The following CD72 variants were observed in gnomAD, a reference collection of about 807,000 sequenced individuals.
CD72 encodes the protein B-cell differentiation antigen CD72.
A neutral mutation model predicts 50.7 loss-of-function variants in CD72; 28 were observed. The observed-to-expected ratio is 0.55, with a 90% CI of 0.41 to 0.76. The LOEUF (loss-of-function observed/expected upper bound fraction) is 0.76, where lower values mean the gene tolerates loss of function less well. Among genes scored for constraint, CD72 ranks in the 30% least tolerant of loss-of-function variants. CD72 has a pLI of 0.00. For missense variants in CD72, 403 were observed against 420.6 expected, an observed-to-expected ratio of 0.96 and a Z score of 0.37; for synonymous variants, 176 against 171.2, an observed-to-expected ratio of 1.03 and a Z score of -0.22.
At chr9:35,631,166 A>C (rs1563899047) in intron 1 of CD72, among the ~76,000 whole-genome samples, 1 of 152,142 alleles carries the variant, frequency 6.6e-6, no homozygotes, top group Non-Finnish European at 1.5e-5. Flanking sequence ...CATTATATTT[A>C]TCTTGTATCC....
intron 1 of CD72, among the ~76,000 whole-genome samples, chr9:35,626,531 T>C (rs1487697457): frequency 1.3e-5 from 2 of 152,354 alleles, no homozygotes; most frequent in Admixed American, 1.3e-4. Context: ...ATTTTGAAAG[T>C]TCTGCTGTGC....
At chr9:35,625,738 T>A (rs973543064) in intron 1 of CD72, among the ~76,000 whole-genome samples, 1 of 152,232 alleles carries the variant, frequency 6.6e-6, no homozygotes, top group Non-Finnish European at 1.5e-5. Context: ...GTGAAGCCAG[T>A]GCTCATTTAC....
At chr9:35,634,496 G>A (rs1473504210) in intron 1 of CD72, among the ~76,000 whole-genome samples, 1 of 152,180 alleles carries the variant, frequency 6.6e-6, no homozygotes, top group Non-Finnish European at 1.5e-5. Flanking sequence ...GGGATTACAG[G>A]AGCCCGCCAC....
intron 6 of CD72, 52 bp downstream of exon 6, chr9:35,612,796 G>T: frequency 6.4e-7 from 1 of 1,557,644 alleles, no homozygotes; most frequent in East Asian, 2.3e-5. Context: ...GATGACATAT[G>T]TCCCTTTACC....
At chr9:35,610,381 C>T in intron 8 of CD72, 81 bp from the exon 9 acceptor site, 1 of 450,480 alleles carries the variant, frequency 2.2e-6, no homozygotes, top group Non-Finnish European at 4.0e-6. Context: ...CTCCTCAGCT[C>T]TCGACAGCCA....
Position 35,616,685 on chromosome 9 carries a change from G to A in CD72, c.267C>T (p.Arg89=). Residue 89 remains arginine, a synonymous_variant, in exon 4 of 9, where the codon CGC becomes CGT. Coordinates refer to ENST00000259633, the MANE Select transcript of CD72 (RefSeq NM_001782.3). ...SPAVGRILPC[R]TTCLRYLLLG... is the part of the protein sequence containing the mutation. ...GCAGGAGGTATCGCAGGCAGGTTGTGCGGCCTTAGGGGGACAGTGGGATGG... is the reference window on the plus strand; with the variant it reads ...GCAGGAGGTATCGCAGGCAGGTTGTACGGCCTTAGGGGGACAGTGGGATGG... The A allele has an allele frequency of 3.1e-6, 5 of 1,613,050 alleles. No individual in the cohort carries two copies. The highest frequency in any genetic ancestry group is 4.2e-6 in the Non-Finnish European group (5 of 1,179,656).
intron 1 of CD72, among the ~76,000 whole-genome samples, chr9:35,643,925 C>G (rs1345751105): frequency 6.6e-6 from 1 of 151,662 alleles, no homozygotes; most frequent in Non-Finnish European, 1.5e-5. Context: ...GTGGAGGTTG[C>G]AGTGGGGCCA....
In CD72 at chr9:35,646,170, GA is replaced by G. The variant is rs201172834; in HGVS notation, n.408+232del. The G allele has an allele frequency of 6.1e-4, 86 of 141,384 alleles. 1 individual carries two copies. The highest frequency in any genetic ancestry group is 5.9e-3 in the East Asian group (29 of 4,890). The allele number at this position is 141,384 out of a possible 1,614,324, so 8.8% of individuals were successfully genotyped here. On this transcript the variant is annotated intron_variant and non_coding_transcript_variant, in intron 1 of 3. Coordinates refer to the CD72 transcript ENST00000465754. ...AGCAAGACTTCGCCTCAAAAAAAAA[GA>G]AAAAAAAAAAGAACTTCCTGCTGTT...
At chr9:35,635,825 C>T (rs1269714868) in intron 1 of CD72, among the ~76,000 whole-genome samples, 2 of 152,138 alleles carry the variant, frequency 1.3e-5, no homozygotes, top group Non-Finnish European at 2.9e-5. Context: ...CTGCTTGGAG[C>T]CCAGAGGAGC....
At chr9:35,623,149 G>T (rs547785124), upstream of CD72, among the ~76,000 whole-genome samples, 3 of 152,258 alleles carry the variant, frequency 2.0e-5, no homozygotes, top group African/African-American at 4.8e-5. Flanking sequence ...AGATAATACA[G>T]CAAGCATTTA....
At chr9:35,622,786 CA>C (rs898134466), upstream of CD72, among the ~76,000 whole-genome samples, 12 of 148,368 alleles carry the variant, frequency 8.1e-5, no homozygotes, top group African/African-American at 3.0e-4. Context: ...GACTCTGTCT[CA>C]AAAAAAATAA....
chr9:35,612,070 C>T (rs1209132687), intron 6 of CD72, 151 bp from the exon 7 acceptor site: 1 of 596,452 alleles, frequency 1.7e-6, no homozygotes, highest in Non-Finnish European at 3.0e-6. Context: ...TCAAGTGCCA[C>T]CCTGCAGATG....
Position 35,610,640 on chromosome 9 carries a change from A to G in CD72, c.1064T>C (p.Phe355Ser). ...SLPYICEMTAFRFPD is the reference protein window; with the variant it reads ...SLPYICEMTASRFPD ...AGGACTGTCCTAATCTGGAAACCTG[A>G]AAGCTGTCATCTCACAGATGTAGGG... Residue 355 changes from phenylalanine (F) to serine (S), a missense_variant, in exon 8 of 9, where the codon TTC (phenylalanine) becomes TCC (serine). Transcript: ENST00000259633. 6.2e-7 allele frequency: 1 copy of G among 1,614,054 alleles called. No individual in the cohort carries two copies. The highest frequency in any genetic ancestry group is 1.1e-5 in the South Asian group (1 of 91,072).
At chr9:35,635,709 G>C (rs1202853971) in intron 1 of CD72, among the ~76,000 whole-genome samples, 1 of 152,192 alleles carries the variant, frequency 6.6e-6, no homozygotes, top group Non-Finnish European at 1.5e-5. Flanking sequence ...GAAGAGTCAT[G>C]ATTGTCCTTG....
At chr9:35,618,428 GGCCCTGTGAC>G (rs1244024144), upstream of CD72, 14 of 1,542,770 alleles carry the variant, frequency 9.1e-6, no homozygotes, top group East Asian at 3.4e-4. Context: ...CTTAGCAATT[GGCCCTGTGAC>G]TTCCAGTCAC....
At chr9:35,643,009 C>T (rs943647056) in intron 1 of CD72, 1 of 152,228 alleles carries the variant, frequency 6.6e-6, no homozygotes, top group Non-Finnish European at 1.5e-5. Flanking sequence ...TACAGCTACT[C>T]GCCTCTGCTG....
At chr9:35,638,665 T>C (rs1823312763) in intron 1 of CD72, among the ~76,000 whole-genome samples, 1 of 151,184 alleles carries the variant, frequency 6.6e-6, no homozygotes, top group Admixed American at 6.6e-5. Context: ...TTAAATGTCA[T>C]CCTGACTTCC....
At chr9:35,610,398 C>T (rs1185465454) in intron 8 of CD72, 98 bp from the exon 9 acceptor site, 2 of 474,346 alleles carry the variant, frequency 4.2e-6, no homozygotes, top group Non-Finnish European at 7.5e-6. Context: ...GCCACACCAC[C>T]AGCCTCCCAT....
chr9:35,632,626 G>A lies in CD72; in HGVS notation n.408+13777C>T, dbSNP rs192391163. 3.3e-3 allele frequency among the ~76,000 whole-genome samples: 491 copies of A among 150,730 alleles called. 2 individuals carry two copies. Among genetic ancestry groups the A allele is most frequent in the African/African-American group, 4.9e-3 (201 of 41,002 alleles). Reference sequence around the variant, plus strand: ...GAGCCTTACTCTGTCGCCCAGGCTGGAGTGCAGTGGCACCATCTCGGCTCA... The same window carrying A: ...GAGCCTTACTCTGTCGCCCAGGCTGAAGTGCAGTGGCACCATCTCGGCTCA... On this transcript the variant is annotated intron_variant and non_coding_transcript_variant, in intron 1 of 3. Transcript: ENST00000465754.
Sources: gnomAD v4.1 joint callset for allele counts (sites outside exome capture counted in the v4.1 genomes callset) on GRCh38, gnomAD v4.1.1 for gene constraint, MANE v1.5 for transcripts, NCBI Gene and HGNC (gene_info 2026-07-23, HGNC 2026-07-21) for gene names.